Variants in PAK5 observed in about 807,000 individuals in gnomAD.
The protein encoded by PAK5 is p21 (RAC1) activated kinase 5, also known as serine/threonine-protein kinase PAK 5.
A neutral mutation model predicts 65.9 loss-of-function variants in PAK5; 16 were observed. The observed-to-expected ratio is 0.24, with a 90% CI of 0.16 to 0.37. PAK5 has a LOEUF of 0.37. PAK5 is among the 10% of genes least tolerant of loss of function. The pLI is 1.00. For missense variants in PAK5, 785 were observed against 903.9 expected, an observed-to-expected ratio of 0.87 and a Z score of 1.69; for synonymous variants, 371 against 354.9, an observed-to-expected ratio of 1.05 and a Z score of -0.51.
chr20:9,573,345 G>A (rs1015138202), intron 4 of PAK5, among the ~76,000 whole-genome samples: 6 of 152,130 alleles, frequency 3.9e-5, no homozygotes, highest in African/African-American at 1.4e-4. Flanking sequence ...GTCAGACACA[G>A]GCTTGTGATG....
At chr20:9,826,651 G>A (rs1002595183) in intron 1 of PAK5, among the ~76,000 whole-genome samples, 3 of 152,166 alleles carry the variant, frequency 2.0e-5, no homozygotes, top group African/African-American at 4.8e-5. Flanking sequence ...TCACCCTGGG[G>A]AACCTCTTGC....
chr20:9,651,265 A>T (rs928166283), intron 2 of PAK5, among the ~76,000 whole-genome samples: 5 of 152,180 alleles, frequency 3.3e-5, no homozygotes, highest in African/African-American at 9.6e-5. Flanking sequence ...GTGAACTAAG[A>T]CATGAAAAGT....
At chr20:9,678,815 C>T (rs954614703) in intron 2 of PAK5, among the ~76,000 whole-genome samples, 9 of 151,914 alleles carry the variant, frequency 5.9e-5, no homozygotes, top group African/African-American at 9.7e-5. Flanking sequence ...TGGAGGTCAC[C>T]GCCCCCATGA....
At chr20:9,714,359 A>C (rs113653544) in intron 1 of PAK5, among the ~76,000 whole-genome samples, 4 of 152,128 alleles carry the variant, frequency 2.6e-5, no homozygotes, top group African/African-American at 7.2e-5. Context: ...TTATTTCATT[A>C]TATGCACCAG....
At chr20:9,770,785 T>C (rs892747417) in intron 1 of PAK5, among the ~76,000 whole-genome samples, 1 of 152,036 alleles carries the variant, frequency 6.6e-6, no homozygotes, top group Non-Finnish European at 1.5e-5. Flanking sequence ...GGTTGAAGAA[T>C]CGTTGGAGTT....
At chr20:9,595,869 T>A (rs2046254448) in intron 3 of PAK5, among the ~76,000 whole-genome samples, 1 of 151,466 alleles carries the variant, frequency 6.6e-6, no homozygotes, top group African/African-American at 2.5e-5. Context: ...ATAGAAATCT[T>A]GTAACTGTTT....
chr20:9,641,248 T>C (rs998533779), intron 3 of PAK5, among the ~76,000 whole-genome samples: 13 of 151,738 alleles, frequency 8.6e-5, no homozygotes, highest in Non-Finnish European at 1.8e-4. Context: ...AGGGTGCTGA[T>C]TGGTGTGTTT....
intron 1 of PAK5, among the ~76,000 whole-genome samples, chr20:9,732,147 T>G (rs1429119455): frequency 6.6e-6 from 1 of 151,928 alleles, no homozygotes; most frequent in African/African-American, 2.4e-5. Flanking sequence ...CAAAAATTAG[T>G]ACTGCATCAA....
At chr20:9,682,329 C>T (rs1381153359) in intron 2 of PAK5, among the ~76,000 whole-genome samples, 2 of 151,760 alleles carry the variant, frequency 1.3e-5, no homozygotes, top group African/African-American at 2.4e-5. Context: ...TGCACTCCAG[C>T]CTGGGCAACA....
At chr20:9,743,401 CAAACG>C (rs1242819698) in intron 1 of PAK5, among the ~76,000 whole-genome samples, 1 of 55,962 alleles carries the variant, frequency 1.8e-5, no homozygotes, top group African/African-American at 5.9e-5. Flanking sequence ...CAAAAAAAAA[CAAACG>C]AAACAAAACA....
intron 1 of PAK5, among the ~76,000 whole-genome samples, chr20:9,804,566 A>G (rs908683829): frequency 2.0e-5 from 3 of 152,216 alleles, no homozygotes; most frequent in Non-Finnish European, 4.4e-5. Flanking sequence ...AAATTTAACT[A>G]AAAATAGATC....
At chr20:9,718,480 G>GA (rs1010391870) in intron 1 of PAK5, among the ~76,000 whole-genome samples, 1 of 151,822 alleles carries the variant, frequency 6.6e-6, no homozygotes, top group African/African-American at 2.4e-5. Flanking sequence ...ATTATGTTAG[G>GA]AAAATAGCAT....
At chr20:9,603,417 T>C (rs879743669) in intron 3 of PAK5, among the ~76,000 whole-genome samples, 10 of 152,200 alleles carry the variant, frequency 6.6e-5, no homozygotes, top group Non-Finnish European at 1.3e-4. Flanking sequence ...CCTCATTCCC[T>C]GAAGACTCCA....
chr20:9,655,758 T>C (rs1176898170), intron 2 of PAK5, among the ~76,000 whole-genome samples: 1 of 152,112 alleles, frequency 6.6e-6, no homozygotes, highest in Non-Finnish European at 1.5e-5. Context: ...TAACACAGAT[T>C]GGGTGGCTTA....
chr20:9,700,838 C>T (rs1312721101), intron 2 of PAK5, among the ~76,000 whole-genome samples: 1 of 152,064 alleles, frequency 6.6e-6, no homozygotes, highest in Non-Finnish European at 1.5e-5. Context: ...ATAGGGCGCC[C>T]CAAACATGTT....
intron 3 of PAK5, among the ~76,000 whole-genome samples, chr20:9,641,269 A>C (rs1231241844): frequency 6.6e-6 from 1 of 151,292 alleles, no homozygotes; most frequent in African/African-American, 2.4e-5. Context: ...ACAAACCTTG[A>C]GCTAGATACA....
intron 3 of PAK5, among the ~76,000 whole-genome samples, chr20:9,608,351 T>C (rs1269035202): frequency 1.3e-5 from 2 of 152,176 alleles, no homozygotes; most frequent in Non-Finnish European, 2.9e-5. Flanking sequence ...TTTCTGTAAA[T>C]TTGAGATTAT....
At chr20:9,694,440 T>C (rs374632151) in intron 2 of PAK5, among the ~76,000 whole-genome samples, 3 of 151,954 alleles carry the variant, frequency 2.0e-5, no homozygotes, top group East Asian at 3.9e-4. Context: ...TATTTAGGTA[T>C]AACATGTATA....
At chr20:9,739,537 A>G (rs2048428064) in intron 1 of PAK5, among the ~76,000 whole-genome samples, 1 of 152,144 alleles carries the variant, frequency 6.6e-6, no homozygotes, top group Admixed American at 6.5e-5. Flanking sequence ...TGCCCAAGGG[A>G]CAGTGCCATT....
Sources: gnomAD v4.1 joint callset for allele counts (sites outside exome capture counted in the v4.1 genomes callset) on GRCh38, gnomAD v4.1.1 for gene constraint, MANE v1.5 for transcripts, NCBI Gene and HGNC (gene_info 2026-07-23, HGNC 2026-07-21) for gene names.